The following NPAS3 variants were observed in gnomAD, a reference collection of about 807,000 sequenced individuals.
NPAS3 encodes neuronal PAS domain protein 3.
A neutral mutation model predicts 73.1 loss-of-function variants in NPAS3; 14 were observed. The observed-to-expected ratio is 0.19, with a 90% CI of 0.13 to 0.30. NPAS3 has a LOEUF of 0.30. NPAS3 is among the 10% of genes least tolerant of loss of function. The probability of loss-of-function intolerance (pLI) is 1.00; values close to 1 mark genes in which losing one functional copy is unlikely to be tolerated. For missense variants in NPAS3, 1,096 were observed against 1,250.0 expected (o/e 0.88, Z 1.86); for synonymous variants, 620 against 541.5 (o/e 1.14, Z -2.01).
chr14:33,738,457 A>G (rs910194216), intron 7 of NPAS3, among the ~76,000 whole-genome samples: 12 of 152,096 alleles, frequency 7.9e-5, no homozygotes, highest in African/African-American at 2.7e-4. Flanking sequence ...CCACTGCACT[A>G]GTGTATCGGT....
At chr14:33,171,410 T>C (rs2045383897) in intron 2 of NPAS3, among the ~76,000 whole-genome samples, 1 of 152,246 alleles carries the variant, frequency 6.6e-6, no homozygotes, top group African/African-American at 2.4e-5. Flanking sequence ...CTTTAGCTTC[T>C]AATAAGAATA....
intron 7 of NPAS3, among the ~76,000 whole-genome samples, chr14:33,761,796 A>G (rs2062301351): frequency 6.6e-6 from 1 of 152,222 alleles, no homozygotes; most frequent in Admixed American, 6.5e-5. Flanking sequence ...TGTCTTGCAC[A>G]GTGCAAAAAT....
In NPAS3 at chr14:33,795,505, A is replaced by G. The variant is rs1307278515; in HGVS notation, c.1301+1461A>G. Among the ~76,000 whole-genome samples the G allele has an allele frequency of 2.6e-5, 4 of 152,218 alleles. No homozygotes were observed. The East Asian group carries it at 7.7e-4, about 29-fold the overall frequency. ...AGAAAATGGAATAAGGTCTTGTGGCACTGACATTCTTTTGCTAGGCAAAAT... is the reference window on the plus strand; with the variant it reads ...AGAAAATGGAATAAGGTCTTGTGGCGCTGACATTCTTTTGCTAGGCAAAAT... On this transcript the variant is annotated intron_variant, in intron 10 of 11. Coordinates refer to ENST00000356141, the Ensembl canonical transcript of NPAS3.
intron 2 of NPAS3, among the ~76,000 whole-genome samples, chr14:33,084,896 G>C (rs1595407868): frequency 3.3e-5 from 5 of 152,316 alleles, no homozygotes; most frequent in Admixed American, 3.3e-4. Context: ...TATAGTGTGA[G>C]TAAAGCAAAA....
chr14:33,505,838 G>C (rs2052733481), intron 4 of NPAS3, among the ~76,000 whole-genome samples: 2 of 151,936 alleles, frequency 1.3e-5, no homozygotes, highest in Admixed American at 1.3e-4. Context: ...TTCCCAGGCT[G>C]CTTCTCTGAC....
intron 2 of NPAS3, among the ~76,000 whole-genome samples, chr14:33,175,392 T>C (rs2045550400): frequency 6.6e-6 from 1 of 152,194 alleles, no homozygotes; most frequent in Non-Finnish European, 1.5e-5. Context: ...CTCAATGTTA[T>C]ATTGACCAAA....
chr14:33,728,120 G>A (rs1008113155), intron 6 of NPAS3, among the ~76,000 whole-genome samples: 8 of 152,156 alleles, frequency 5.3e-5, no homozygotes, highest in African/African-American at 1.9e-4. Flanking sequence ...AGAGCAGCAG[G>A]CAGCCAGCAA....
intron 7 of NPAS3, among the ~76,000 whole-genome samples, chr14:33,748,839 T>C (rs1478501854): frequency 2.6e-5 from 4 of 152,118 alleles, no homozygotes; most frequent in Non-Finnish European, 5.9e-5. Context: ...GAATAGAGGA[T>C]TGGCCTTCCC....
At chr14:33,661,288 G>C (rs759206734) in intron 5 of NPAS3, among the ~76,000 whole-genome samples, 2 of 152,090 alleles carry the variant, frequency 1.3e-5, no homozygotes, top group Non-Finnish European at 2.9e-5. Flanking sequence ...GGAGAATCAG[G>C]TGTTTTCATT....
chr14:33,628,271 A>G (rs2058278202), intron 5 of NPAS3, among the ~76,000 whole-genome samples: 1 of 152,240 alleles, frequency 6.6e-6, no homozygotes, highest in Non-Finnish European at 1.5e-5. Flanking sequence ...GATTTTTAAT[A>G]GAATATTTAG....
At chr14:32,970,748 C>T (rs148199923) in intron 1 of NPAS3, among the ~76,000 whole-genome samples, 2 of 152,182 alleles carry the variant, frequency 1.3e-5, no homozygotes, top group Admixed American at 6.5e-5. Context: ...CTTCTTGATG[C>T]CTCATCCCAA....
At chr14:32,944,856 C>T (rs2036186998) in intron 1 of NPAS3, among the ~76,000 whole-genome samples, 1 of 152,162 alleles carries the variant, frequency 6.6e-6, no homozygotes, top group South Asian at 2.1e-4. Context: ...AATTGAAATA[C>T]TGTGGTCTTG....
chr14:33,793,171 TGCTCCTTCATTTGGG>T (rs2063411556), intron 9 of NPAS3, among the ~76,000 whole-genome samples: 1 of 152,256 alleles, frequency 6.6e-6, no homozygotes, highest in Non-Finnish European at 1.5e-5. Context: ...TGTTTTTACT[TGCTCCTTCATTTGGG>T]GCCATATTTC....
At chr14:33,281,551 G>A (rs761064693) in intron 3 of NPAS3, among the ~76,000 whole-genome samples, 1 of 152,180 alleles carries the variant, frequency 6.6e-6, no homozygotes, top group African/African-American at 2.4e-5. Context: ...AGAATCACTT[G>A]AACCTGGAAG....
chr14:33,083,708 TTGA>T, intron 2 of NPAS3, among the ~76,000 whole-genome samples: 1 of 152,130 alleles, frequency 6.6e-6, no homozygotes, highest in Non-Finnish European at 1.5e-5. Flanking sequence ...TCTCAAATAT[TTGA>T]AGGGTATCCA....
intron 4 of NPAS3, among the ~76,000 whole-genome samples, chr14:33,376,995 A>T (rs1003194342): frequency 2.6e-5 from 4 of 152,240 alleles, no homozygotes; most frequent in Non-Finnish European, 1.5e-5. Context: ...TGCTTATCAG[A>T]AACTTTATTA....
At chr14:33,666,858 T>C (rs374381411) in intron 5 of NPAS3, among the ~76,000 whole-genome samples, 3 of 152,368 alleles carry the variant, frequency 2.0e-5, no homozygotes, top group East Asian at 3.9e-4. Context: ...TAGACATTTC[T>C]TTATTTCTGT....
intron 5 of NPAS3, among the ~76,000 whole-genome samples, chr14:33,571,398 G>T (rs2056210107): frequency 6.6e-6 from 1 of 152,114 alleles, no homozygotes; most frequent in South Asian, 2.1e-4. Context: ...TGGCGAAGTA[G>T]GCTATTTTAT....
At chr14:33,792,643 T>C (rs2063394164) in intron 9 of NPAS3, among the ~76,000 whole-genome samples, 1 of 152,140 alleles carries the variant, frequency 6.6e-6, no homozygotes, top group South Asian at 2.1e-4. Flanking sequence ...GAAGCACTTA[T>C]TAGCCGTAAT....
Sources: allele counts gnomAD v4.1 joint callset (sites outside exome capture counted in the v4.1 genomes callset), GRCh38; gene constraint gnomAD v4.1.1; transcripts MANE v1.5; gene names NCBI Gene and HGNC (gene_info 2026-07-23, HGNC 2026-07-21).